The following CNTNAP5 variants were observed in gnomAD, a reference collection of about 807,000 sequenced individuals.
The protein encoded by CNTNAP5 is contactin associated protein family member 5, also known as contactin-associated protein-like 5.
CNTNAP5 carries 72 observed loss-of-function variants against 150.2 expected under a neutral mutation model. The ratio of observed to expected loss-of-function variants is 0.48; its 90% CI spans 0.40 to 0.58. The LOEUF (loss-of-function observed/expected upper bound fraction) is 0.58. CNTNAP5 is among the 20% of genes least tolerant of loss of function. The probability of loss-of-function intolerance (pLI) is 0.00; values close to 1 mark genes in which losing one functional copy is unlikely to be tolerated. For missense variants in CNTNAP5, 1,636 were observed against 1,626.2 expected (o/e 1.01, Z -0.10); for synonymous variants, 672 against 619.8 (o/e 1.08, Z -1.25).
At chr2:124,125,012 G>A (rs1479063213) in intron 1 of CNTNAP5, among the ~76,000 whole-genome samples, 2 of 152,148 alleles carry the variant, frequency 1.3e-5, no homozygotes, top group East Asian at 1.9e-4. Flanking sequence ...CAACTAATGA[G>A]CAAAACAACC....
intron 3 of CNTNAP5, among the ~76,000 whole-genome samples, chr2:124,404,896 T>C (rs554179938): frequency 6.6e-6 from 1 of 152,262 alleles, no homozygotes; most frequent in Admixed American, 6.5e-5. Context: ...TGTGTTTCCG[T>C]GTAAGGATAA....
intron 1 of CNTNAP5, among the ~76,000 whole-genome samples, chr2:124,163,607 C>T (rs762886904): frequency 4.6e-5 from 7 of 152,114 alleles, no homozygotes; most frequent in Non-Finnish European, 8.8e-5. Flanking sequence ...ACAAGCAACA[C>T]TGGCTTTGCT....
intron 6 of CNTNAP5, among the ~76,000 whole-genome samples, chr2:124,451,081 C>CACACAT (rs1553469356): frequency 1.9e-5 from 2 of 106,594 alleles, no homozygotes; most frequent in African/African-American, 7.7e-5. Flanking sequence ...TATATATACA[C>CACACAT]ACACACACAC....
At chr2:124,871,566 C>T (rs1384675296) in intron 21 of CNTNAP5, among the ~76,000 whole-genome samples, 1 of 152,072 alleles carries the variant, frequency 6.6e-6, no homozygotes, top group African/African-American at 2.4e-5. Flanking sequence ...ACTTTCCCTA[C>T]CTCTTCCTAC....
At chr2:124,406,835 T>C (rs1018981645) in intron 3 of CNTNAP5, among the ~76,000 whole-genome samples, 2 of 152,210 alleles carry the variant, frequency 1.3e-5, no homozygotes, top group East Asian at 3.8e-4. Flanking sequence ...CATTAACCAA[T>C]CTTTTTTCAT....
chr2:124,501,451 G>A (rs1558929435), intron 7 of CNTNAP5, among the ~76,000 whole-genome samples: 1 of 152,130 alleles, frequency 6.6e-6, no homozygotes, highest in Non-Finnish European at 1.5e-5. Context: ...GATATATAGG[G>A]TAGAATATAG....
intron 21 of CNTNAP5, among the ~76,000 whole-genome samples, chr2:124,873,525 A>G (rs1677793759): frequency 6.6e-6 from 1 of 152,012 alleles, no homozygotes; most frequent in Non-Finnish European, 1.5e-5. Flanking sequence ...CCAACACTTA[A>G]CCTTAACACT....
intron 3 of CNTNAP5, among the ~76,000 whole-genome samples, chr2:124,275,958 T>A (rs555022130): frequency 6.6e-5 from 10 of 152,322 alleles, no homozygotes; most frequent in African/African-American, 2.4e-4. Flanking sequence ...TTGCTGCCAA[T>A]GGAACTGTCT....
At chr2:124,855,077 T>C (rs1251382190) in intron 19 of CNTNAP5, among the ~76,000 whole-genome samples, 1 of 149,640 alleles carries the variant, frequency 6.7e-6, no homozygotes, top group East Asian at 2.0e-4. Context: ...AATACATACA[T>C]AATAAAGTTG....
intron 19 of CNTNAP5, among the ~76,000 whole-genome samples, chr2:124,812,371 G>C (rs1452491192): frequency 1.3e-5 from 2 of 150,796 alleles, no homozygotes; most frequent in Non-Finnish European, 2.9e-5. Context: ...ACCCCCCAGT[G>C]ATCAGAGTGG....
intron 1 of CNTNAP5, among the ~76,000 whole-genome samples, chr2:124,177,305 A>C (rs972431055): frequency 3.3e-5 from 5 of 152,148 alleles, no homozygotes; most frequent in Non-Finnish European, 7.4e-5. Context: ...GGGTCGGAGA[A>C]GGTCAGAGAA....
chr2:124,895,141 T>G (rs1678276703), intron 21 of CNTNAP5, among the ~76,000 whole-genome samples: 1 of 151,646 alleles, frequency 6.6e-6, no homozygotes, highest in Non-Finnish European at 1.5e-5. Flanking sequence ...GGTTATATTT[T>G]TTTTACTTCT....
chr2:124,737,056 G>T (rs1223283489), intron 13 of CNTNAP5, among the ~76,000 whole-genome samples: 5 of 152,114 alleles, frequency 3.3e-5, no homozygotes, highest in Admixed American at 6.6e-5. Context: ...ACTTTGGGAG[G>T]CTGAGGCAGG....
intron 1 of CNTNAP5, among the ~76,000 whole-genome samples, chr2:124,166,977 C>T (rs1331227342): frequency 6.6e-6 from 1 of 152,044 alleles, no homozygotes; most frequent in East Asian, 1.9e-4. Flanking sequence ...TTTTTTTCTT[C>T]TTTAATGACC....
chr2:124,487,663 C>T (rs1693918412), intron 7 of CNTNAP5, among the ~76,000 whole-genome samples: 1 of 151,910 alleles, frequency 6.6e-6, no homozygotes, highest in Admixed American at 6.6e-5. Context: ...ATTTCATGTG[C>T]ATGGGCACAT....
rs527616859 is a variant in CNTNAP5 at position 124,663,582 on chromosome 2, A to G, written c.2077+15624A>G. Among the ~76,000 whole-genome samples, 4 of 152,258 alleles carry G rather than the reference A, an allele frequency of 2.6e-5. No homozygotes were observed. The East Asian group carries it at 5.8e-4, about 22-fold the overall frequency. Reference sequence around the variant, plus strand: ...TAGTTGCAGAATCCATTTTGGGAGTATGGAGGTTGGGGGCTAGGGAGAAAG... The same window carrying G: ...TAGTTGCAGAATCCATTTTGGGAGTGTGGAGGTTGGGGGCTAGGGAGAAAG... On this transcript the variant is annotated intron_variant, in intron 13 of 23. Transcript: ENST00000682447.
chr2:124,581,887 T>C (rs919941509), intron 11 of CNTNAP5, among the ~76,000 whole-genome samples: 1 of 152,184 alleles, frequency 6.6e-6, no homozygotes, highest in Non-Finnish European at 1.5e-5. Context: ...CATATTGCAG[T>C]GTCGATGGTA....
At chr2:124,507,664 C>T (rs979903262) in intron 8 of CNTNAP5, among the ~76,000 whole-genome samples, 1 of 152,116 alleles carries the variant, frequency 6.6e-6, no homozygotes, top group Non-Finnish European at 1.5e-5. Context: ...GACTCTCAGT[C>T]CTCGATCCAT....
intron 1 of CNTNAP5, among the ~76,000 whole-genome samples, chr2:124,036,432 T>C (rs1293980605): frequency 2.0e-5 from 3 of 152,144 alleles, no homozygotes; most frequent in Non-Finnish European, 4.4e-5. Flanking sequence ...CCTGTTACGG[T>C]CACCTGGGAC....
Sources: gnomAD v4.1 joint callset for allele counts (sites outside exome capture counted in the v4.1 genomes callset) on GRCh38, gnomAD v4.1.1 for gene constraint, MANE v1.5 for transcripts, NCBI Gene and HGNC (gene_info 2026-07-23, HGNC 2026-07-21) for gene names.